Variants in NTNG2 observed in about 807,000 individuals in gnomAD.
The protein encoded by NTNG2 is netrin G2.
In NTNG2, 15 loss-of-function variants were observed where a neutral mutation model predicts 47.6. The observed-to-expected ratio is 0.32, with a 90% CI of 0.21 to 0.49. The LOEUF is 0.49. Ranked by LOEUF, NTNG2 falls within the 20% of genes least tolerant of loss-of-function variation. The probability of loss-of-function intolerance (pLI) is 0.99; values close to 1 mark genes in which losing one functional copy is unlikely to be tolerated. For synonymous variants in NTNG2, 307 were observed against 324.6 expected (o/e 0.95, Z 0.58); for missense variants, 578 against 764.6 (o/e 0.76, Z 2.88).
At chr9:132,241,768 C>T (rs1385465262) in intron 7 of NTNG2, 108 bp from the exon 8 acceptor site, 5 of 792,792 alleles carry the variant, frequency 6.3e-6, no homozygotes, top group African/African-American at 5.6e-5. Flanking sequence ...CCTACATCCC[C>T]GGCCCAGACG....
At chr9:132,171,624 A>G (rs148639221) in intron 2 of NTNG2, among the ~76,000 whole-genome samples, 20 of 152,330 alleles carry the variant, frequency 1.3e-4, no homozygotes, top group African/African-American at 3.1e-4. Flanking sequence ...CAGTTTACCC[A>G]GCTGCAGAGC....
At chr9:132,225,730 G>T (rs1840705206) in intron 3 of NTNG2, among the ~76,000 whole-genome samples, 1 of 152,160 alleles carries the variant, frequency 6.6e-6, no homozygotes, top group Non-Finnish European at 1.5e-5. Flanking sequence ...CAGGATGTTT[G>T]AACCAAGGAC....
intron 2 of NTNG2, among the ~76,000 whole-genome samples, chr9:132,174,306 G>A (rs547370981): frequency 3.3e-4 from 41 of 125,048 alleles, no homozygotes; most frequent in African/African-American, 1.5e-3. Context: ...CCATGCTGCG[G>A]ATGAGACGGA....
chr9:132,169,839 C>T (rs1211311501), intron 2 of NTNG2, among the ~76,000 whole-genome samples: 1 of 152,222 alleles, frequency 6.6e-6, no homozygotes, highest in East Asian at 1.9e-4. Flanking sequence ...CCTGGCTTTG[C>T]TTCTTCCCCG....
rs1163472842 is a variant in NTNG2 at position 132,236,607 on chromosome 9, G to A, written c.1055-2497G>A. On this transcript the variant is annotated intron_variant, in intron 5 of 7. Coordinates refer to ENST00000393229, the MANE Select transcript of NTNG2 (RefSeq NM_032536.4). This position sits in a 1 kb window ranked among gnomAD's most constrained non-coding sequence, Gnocchi z 4.3. The stretch of plus-strand genomic sequence containing the variant: ...TGGCGCTGGAAGCATGTTTAGAGAG[G>A]GTCTGAGGCTCGGTTCCTAGAAACC... Among the ~76,000 whole-genome samples the A allele has an allele frequency of 6.6e-6, 1 of 152,212 alleles. No homozygotes were observed. The highest frequency in any genetic ancestry group is 1.5e-5 in the Non-Finnish European group (1 of 68,036).
At chr9:132,183,030 C>T (rs1837070440) in intron 2 of NTNG2, among the ~76,000 whole-genome samples, 1 of 152,216 alleles carries the variant, frequency 6.6e-6, no homozygotes, top group Non-Finnish European at 1.5e-5. Flanking sequence ...TGCCCTGGAG[C>T]CCTTCCAGCC....
intron 5 of NTNG2, among the ~76,000 whole-genome samples, chr9:132,238,331 G>T (rs1841768955): frequency 6.6e-6 from 1 of 152,154 alleles, no homozygotes; most frequent in African/African-American, 2.4e-5. Flanking sequence ...TTAGGCAGGG[G>T]TCAGCCTGAG....
intron 7 of NTNG2, chr9:132,241,474 G>C (rs894141573): frequency 6.1e-6 from 2 of 329,172 alleles, no homozygotes. Flanking sequence ...TGGGAACTAC[G>C]AGAAAGACCG....
At chr9:132,179,723 A>G (rs1228778997) in intron 2 of NTNG2, among the ~76,000 whole-genome samples, 1 of 152,194 alleles carries the variant, frequency 6.6e-6, no homozygotes, top group African/African-American at 2.4e-5. Flanking sequence ...GCCAGGTCAG[A>G]GTGCAGATGA....
Position 132,221,633 on chromosome 9 carries a change from C to T in NTNG2, c.858-5216C>T, listed in dbSNP as rs533645000. Among the ~76,000 whole-genome samples, 7 of 152,232 alleles carry T rather than the reference C, an allele frequency of 4.6e-5. No homozygotes were observed. Among genetic ancestry groups the T allele is most frequent in the African/African-American group, 1.4e-4 (6 of 41,556 alleles). ...GGCTCAGCCAGCGAGTTGAAGAGGCCGGGACATCTTCTCCTGTTCCCGAGG... is the reference window on the plus strand; with the variant it reads ...GGCTCAGCCAGCGAGTTGAAGAGGCTGGGACATCTTCTCCTGTTCCCGAGG... On this transcript the variant is annotated intron_variant, in intron 3 of 7. Transcript: ENST00000393229. This position sits in a 1 kb window ranked among gnomAD's most constrained non-coding sequence, Gnocchi z 4.2.
chr9:132,212,043 G>A (rs1839629732), intron 3 of NTNG2, among the ~76,000 whole-genome samples: 1 of 152,224 alleles, frequency 6.6e-6, no homozygotes, highest in South Asian at 2.1e-4. Flanking sequence ...ATAGGCGCTA[G>A]GAGGCAGAGA....
rs1201826278 is a variant in NTNG2, at chr9:132,242,277, T to TC, written c.*172dup. 1 of 192,326 alleles carries TC rather than the reference T, an allele frequency of 5.2e-6. No individual in the cohort carries two copies. Among genetic ancestry groups the TC allele is most frequent in the East Asian group, 1.6e-4 (1 of 6,290 alleles). The allele number at this position is 192,326 out of a possible 1,614,324, so 11.9% of individuals were successfully genotyped here. The stretch of plus-strand genomic sequence containing the variant: ...GCCCGCGCTCCCGCCCGCACTGCCC[T>TC]CCCCCCGCAGCAGGGGCGCCTTGGG... On this transcript the variant is annotated 3_prime_UTR_variant, in exon 8 of 8. Transcript: ENST00000393229. This position sits in a 1 kb window ranked among gnomAD's most constrained non-coding sequence, Gnocchi z 5.9.
At position 132,235,678 on chromosome 9, in the gene NTNG2, CT is replaced by C. The variant is rs878980485; in HGVS notation, c.1055-3425del. The stretch of plus-strand genomic sequence containing the variant: ...TGGACCAGGCCATCTACGGCTGCCC[CT>C]CTCTCGAGCAGGTGGTCCCAGGTGG... On this transcript the variant is annotated intron_variant, in intron 5 of 7. Coordinates refer to ENST00000393229, the MANE Select transcript of NTNG2 (RefSeq NM_032536.4). 1.8e-4 allele frequency among the ~76,000 whole-genome samples: 28 copies of C among 152,318 alleles called. No homozygotes were observed. The South Asian group carries it at 5.8e-3, about 32-fold the overall frequency.
intron 2 of NTNG2, among the ~76,000 whole-genome samples, chr9:132,181,168 C>T (rs147571018): frequency 6.6e-6 from 1 of 152,082 alleles, no homozygotes; most frequent in Non-Finnish European, 1.5e-5. Context: ...ACTGCAGCCT[C>T]GACCTCCTGG....
intron 3 of NTNG2, among the ~76,000 whole-genome samples, chr9:132,206,029 C>G (rs1839143052): frequency 6.6e-6 from 1 of 152,170 alleles, no homozygotes; most frequent in Non-Finnish European, 1.5e-5. Flanking sequence ...GTTGTCTAAC[C>G]TGTCTTTGCC....
intron 6 of NTNG2, 157 bp from the exon 7 acceptor site, chr9:132,240,753 C>T: frequency 2.7e-6 from 3 of 1,127,828 alleles, no homozygotes; most frequent in South Asian, 1.5e-5. Flanking sequence ...TGGGAAGTCC[C>T]CACCTGCCGT....
chr9:132,162,845 G>A lies in NTNG2; in HGVS notation c.-484+606G>A, dbSNP rs1016952234. 6.6e-6 allele frequency among the ~76,000 whole-genome samples: 1 copy of A among 152,054 alleles called. No individual in the cohort carries two copies. The highest frequency in any genetic ancestry group is 2.4e-5 in the African/African-American group (1 of 41,426). On this transcript the variant is annotated intron_variant, in intron 1 of 7. Coordinates refer to ENST00000393229, the MANE Select transcript of NTNG2 (RefSeq NM_032536.4). This position sits in a 1 kb window ranked among gnomAD's most constrained non-coding sequence, Gnocchi z 4.6. The stretch of plus-strand genomic sequence containing the variant: ...CCGGGAGGGGGTCGGGAGGTGAGGG[G>A]GCGCAGGCACTGGTTTGGGGCCGGC...
intron 2 of NTNG2, among the ~76,000 whole-genome samples, chr9:132,187,867 A>T (rs1564397880): frequency 6.6e-6 from 1 of 152,202 alleles, no homozygotes; most frequent in Non-Finnish European, 1.5e-5. Context: ...GAACACGCAG[A>T]ACTTGAGACT....
intron 5 of NTNG2, among the ~76,000 whole-genome samples, chr9:132,234,530 G>A (rs1224508829): frequency 6.6e-6 from 1 of 152,232 alleles, no homozygotes; most frequent in Non-Finnish European, 1.5e-5. Flanking sequence ...ATACCCCCGA[G>A]TGCCTCCCAA....
Sources: gnomAD v4.1 joint callset for allele counts (sites outside exome capture counted in the v4.1 genomes callset) on GRCh38, gnomAD v4.1.1 for gene constraint, Gnocchi (gnomAD v3.1) non-coding constraint, MANE v1.5 for transcripts, NCBI Gene and HGNC (gene_info 2026-07-23, HGNC 2026-07-21) for gene names.